NOL4: variants seen among roughly 807,000 people sequenced by gnomAD.
NOL4 encodes the protein nucleolar protein 4.
In NOL4, 17 loss-of-function variants were observed where a neutral mutation model predicts 75.9. The ratio of observed to expected loss-of-function variants is 0.22; its 90% CI spans 0.15 to 0.34. The LOEUF is 0.34. Among genes scored for constraint, NOL4 ranks in the 10% least tolerant of loss-of-function variants. The pLI is 1.00. For synonymous variants in NOL4, 292 were observed against 289.9 expected, an observed-to-expected ratio of 1.01 and a Z score of -0.07; for missense variants, 614 against 793.5, an observed-to-expected ratio of 0.77 and a Z score of 2.72.
intron 9 of NOL4, among the ~76,000 whole-genome samples, chr18:33,939,135 T>C (rs1261678582): frequency 2.6e-5 from 4 of 152,162 alleles, no homozygotes; most frequent in Non-Finnish European, 5.9e-5. Flanking sequence ...CAATGGTCTA[T>C]ACATCTGTTT....
intron 3 of NOL4, 118 bp from the exon 4 acceptor site, chr18:34,104,277 TGG>T: frequency 1.5e-6 from 1 of 662,010 alleles, no homozygotes. Flanking sequence ...TCTTAAAGCA[TGG>T]TAGCATTATA....
At chr18:34,177,273 A>T (rs1183364470) in intron 1 of NOL4, among the ~76,000 whole-genome samples, 2 of 152,018 alleles carry the variant, frequency 1.3e-5, no homozygotes, top group East Asian at 3.9e-4. Context: ...AGATAGGGAT[A>T]GATGGGTCAT....
At chr18:34,095,502 T>C (rs1057490992) in intron 4 of NOL4, among the ~76,000 whole-genome samples, 5 of 152,126 alleles carry the variant, frequency 3.3e-5, no homozygotes, top group Admixed American at 3.3e-4. Flanking sequence ...CAGGTCCATA[T>C]TCTGCCAGTT....
intron 5 of NOL4, among the ~76,000 whole-genome samples, chr18:34,071,905 G>C (rs534673001): frequency 1.3e-5 from 2 of 152,052 alleles, no homozygotes; most frequent in African/African-American, 4.8e-5. Flanking sequence ...AACCTACAGA[G>C]CTATATCTTA....
chr18:34,076,312 A>C (rs546329284), intron 5 of NOL4, among the ~76,000 whole-genome samples: 1 of 152,184 alleles, frequency 6.6e-6, no homozygotes, highest in African/African-American at 2.4e-5. Context: ...AAACTTTTTC[A>C]CTTTATTATA....
intron 1 of NOL4, among the ~76,000 whole-genome samples, chr18:34,211,295 G>A (rs1340704956): frequency 6.6e-6 from 1 of 152,104 alleles, no homozygotes; most frequent in Non-Finnish European, 1.5e-5. Flanking sequence ...GGAAAAATGA[G>A]CAACAACATA....
chr18:34,055,019 A>G (rs2076776033), intron 5 of NOL4, among the ~76,000 whole-genome samples: 2 of 150,332 alleles, frequency 1.3e-5, no homozygotes, highest in South Asian at 4.2e-4. Context: ...ATTTTATTTT[A>G]AACTACTAAC....
chr18:33,945,245 G>A (rs8084529), intron 8 of NOL4, among the ~76,000 whole-genome samples: 51,531 of 151,134 alleles, frequency 0.34, 9,298 homozygotes, highest in Non-Finnish European at 0.41. Context: ...TCAGTTCTTC[G>A]TTACCTCGAT....
chr18:34,165,114 A>G, intron 1 of NOL4, among the ~76,000 whole-genome samples: 1 of 140,074 alleles, frequency 7.1e-6, no homozygotes, highest in Non-Finnish European at 1.6e-5. Flanking sequence ...GGGGGGAGGG[A>G]TAGCATTAGG....
intron 5 of NOL4, among the ~76,000 whole-genome samples, chr18:34,081,226 C>G (rs1422011688): frequency 6.6e-6 from 1 of 152,028 alleles, no homozygotes; most frequent in African/African-American, 2.4e-5. Flanking sequence ...TCTTTATTTC[C>G]ACAAATGCAA....
intron 4 of NOL4, among the ~76,000 whole-genome samples, chr18:34,099,702 G>T (rs1600583198): frequency 6.6e-6 from 1 of 151,860 alleles, no homozygotes; most frequent in East Asian, 1.9e-4. Flanking sequence ...CTTTTGCATT[G>T]ACCTCCCCTG....
At chr18:34,104,704 T>G (rs979039745) in intron 3 of NOL4, among the ~76,000 whole-genome samples, 1 of 152,022 alleles carries the variant, frequency 6.6e-6, no homozygotes, top group African/African-American at 2.4e-5. Flanking sequence ...TTATTCATAA[T>G]TTTTAGAAAT....
At chr18:33,976,308 C>T (rs950527837) in intron 6 of NOL4, among the ~76,000 whole-genome samples, 2 of 152,136 alleles carry the variant, frequency 1.3e-5, no homozygotes, top group Non-Finnish European at 2.9e-5. Flanking sequence ...TTTAGGAATA[C>T]AAGGCATATG....
intron 1 of NOL4, among the ~76,000 whole-genome samples, chr18:34,139,889 C>T (rs562453737): frequency 1.1e-4 from 16 of 152,282 alleles, no homozygotes; most frequent in African/African-American, 3.6e-4. Flanking sequence ...TCTTTGTTCT[C>T]ATTGGTTTCC....
chr18:34,199,480 CAATT>C (rs1355139698), intron 1 of NOL4, among the ~76,000 whole-genome samples: 1 of 151,844 alleles, frequency 6.6e-6, no homozygotes, highest in African/African-American at 2.4e-5. Context: ...AGTAAACAAA[CAATT>C]AAAGTGCTCC....
chr18:33,960,520 T>G (rs2145763142), intron 6 of NOL4, among the ~76,000 whole-genome samples: 1 of 152,258 alleles, frequency 6.6e-6, no homozygotes, highest in Middle Eastern at 3.4e-3. Context: ...AGTCAATCAT[T>G]TCTTCCCTCA....
chr18:33,911,495 TA>T (rs1299504311), intron 9 of NOL4, among the ~76,000 whole-genome samples: 4 of 152,192 alleles, frequency 2.6e-5, no homozygotes, highest in African/African-American at 9.6e-5. Context: ...ATCTTCCACT[TA>T]TTTAAAAAAG....
intron 1 of NOL4, among the ~76,000 whole-genome samples, chr18:34,186,841 A>T (rs915843607): frequency 6.6e-5 from 10 of 152,308 alleles, no homozygotes; most frequent in Admixed American, 2.6e-4. Flanking sequence ...AAAAAACAAC[A>T]ACAACAACTT....
chr18:34,048,309 C>T, intron 5 of NOL4: 1 of 393,822 alleles, frequency 2.5e-6, no homozygotes, highest in Non-Finnish European at 3.5e-6. Context: ...TAAATAACAA[C>T]TGAACTAGGA....
Sources: gnomAD v4.1 joint callset for allele counts (sites outside exome capture counted in the v4.1 genomes callset) on GRCh38, gnomAD v4.1.1 for gene constraint, MANE v1.5 for transcripts, NCBI Gene and HGNC (gene_info 2026-07-23, HGNC 2026-07-21) for gene names.